PIK3C2G: variants seen among roughly 807,000 people sequenced by gnomAD.
The protein encoded by PIK3C2G is phosphatidylinositol 3-kinase C2 domain-containing subunit gamma.
A neutral mutation model predicts 181.1 loss-of-function variants in PIK3C2G; 168 were observed. The ratio of observed to expected loss-of-function variants is 0.93; its 90% CI spans 0.82 to 1.05. PIK3C2G has a LOEUF of 1.05. Among genes scored for constraint, PIK3C2G ranks in the 50% least tolerant of loss-of-function variants. The probability of loss-of-function intolerance (pLI) is 0.00; values close to 1 mark genes in which losing one functional copy is unlikely to be tolerated. For synonymous variants in PIK3C2G, 573 were observed against 592.2 expected (o/e 0.97, Z 0.47); for missense variants, 1,869 against 1,732.8 (o/e 1.08, Z -1.40).
intron 18 of PIK3C2G, among the ~76,000 whole-genome samples, chr12:18,471,773 AT>A (rs1364357014): frequency 1.3e-5 from 2 of 152,142 alleles, no homozygotes; most frequent in Non-Finnish European, 2.9e-5. Flanking sequence ...GTATTTAAGT[AT>A]GTTTTATTTC....
chr12:18,380,045 A>C (rs990351234), intron 13 of PIK3C2G, among the ~76,000 whole-genome samples: 3 of 152,302 alleles, frequency 2.0e-5, no homozygotes, highest in Middle Eastern at 3.4e-3. Flanking sequence ...AGAACCTCTC[A>C]AGAGGTGATT....
At chr12:18,421,376 C>A (rs185838356) in intron 17 of PIK3C2G, among the ~76,000 whole-genome samples, 12 of 151,860 alleles carry the variant, frequency 7.9e-5, no homozygotes, top group African/African-American at 2.7e-4. Flanking sequence ...ATTTGCTAGG[C>A]AGGTTTTCAT....
upstream of PIK3C2G, among the ~76,000 whole-genome samples, chr12:18,243,754 T>A (rs552957972): frequency 6.6e-6 from 1 of 152,104 alleles, no homozygotes; most frequent in East Asian, 1.9e-4. Flanking sequence ...AATTTCAAAT[T>A]CAGAAACTCT....
At chr12:18,534,284 T>C (rs1053412346) in intron 24 of PIK3C2G, among the ~76,000 whole-genome samples, 1 of 152,074 alleles carries the variant, frequency 6.6e-6, no homozygotes, top group Admixed American at 6.6e-5. Context: ...AATTTATTTG[T>C]CTGCTTAATA....
At chr12:18,575,720 A>C (rs1188291275) in intron 29 of PIK3C2G, among the ~76,000 whole-genome samples, 2 of 152,212 alleles carry the variant, frequency 1.3e-5, no homozygotes, top group African/African-American at 4.8e-5. Context: ...GGAAATCGGG[A>C]AAAGTCGTGC....
chr12:18,326,097 C>T (rs1228059050), intron 8 of PIK3C2G, among the ~76,000 whole-genome samples: 1 of 152,032 alleles, frequency 6.6e-6, no homozygotes, highest in African/African-American at 2.4e-5. Context: ...AAATTATGTG[C>T]CTAGAATAAC....
chr12:18,590,785 G>C (rs1178425208), intron 29 of PIK3C2G, among the ~76,000 whole-genome samples: 1 of 151,798 alleles, frequency 6.6e-6, no homozygotes, highest in Admixed American at 6.6e-5. Flanking sequence ...TCCCTCTCTT[G>C]ACTCTGGATC....
chr12:18,601,309 T>C (rs1439688368), intron 30 of PIK3C2G, among the ~76,000 whole-genome samples: 2 of 151,670 alleles, frequency 1.3e-5, no homozygotes, highest in Non-Finnish European at 2.9e-5. Flanking sequence ...AATCCTGTCA[T>C]TTGTGGTAAC....
At chr12:18,389,116 G>A (rs1222187717) in intron 14 of PIK3C2G, among the ~76,000 whole-genome samples, 4 of 152,132 alleles carry the variant, frequency 2.6e-5, no homozygotes, top group African/African-American at 9.7e-5. Context: ...ACTTTGGGAG[G>A]CCGAGGCGGG....
chr12:18,307,353 T>C (rs973977236), intron 5 of PIK3C2G, among the ~76,000 whole-genome samples: 1 of 151,724 alleles, frequency 6.6e-6, no homozygotes, highest in African/African-American at 2.4e-5. Flanking sequence ...TACAGAAAGT[T>C]TGATTTCCTA....
chr12:18,621,295 T>TA (rs1215418654), intron 31 of PIK3C2G, among the ~76,000 whole-genome samples: 2 of 151,928 alleles, frequency 1.3e-5, no homozygotes, highest in Non-Finnish European at 2.9e-5. Flanking sequence ...TAGTACATTC[T>TA]AAAAAATAAG....
rs201156171 is a variant in PIK3C2G, at chr12:18,282,645, G to A, written c.564G>A (p.Pro188=). 86 of 1,612,978 alleles carry A rather than the reference G, an allele frequency of 5.3e-5. No homozygotes were observed. The highest frequency in any genetic ancestry group is 5.9e-5 in the Non-Finnish European group (70 of 1,179,186). The change falls in exon 2 of 33, where the codon CCG becomes CCA. Residue 188 remains proline (P), a synonymous_variant. Transcript: ENST00000538779. ...CATCCTTCTCAAGTGACTTCATGCC[G>A]AAAGAAGAGAATAAAAGGAGTGGAC... is the stretch of plus-strand genomic sequence containing the variant. ...TNSSFSSDFM[P]KEENKRSGHV...
intron 16 of PIK3C2G, among the ~76,000 whole-genome samples, chr12:18,408,786 CAT>C (rs1252632757): frequency 2.0e-5 from 3 of 152,148 alleles, no homozygotes; most frequent in East Asian, 1.9e-4. Flanking sequence ...AGCCAACAAA[CAT>C]ATGAAAAAAA....
intron 15 of PIK3C2G, among the ~76,000 whole-genome samples, chr12:18,399,293 C>G (rs554138119): frequency 6.6e-6 from 1 of 150,404 alleles, no homozygotes. Context: ...GGTTGATTAC[C>G]TCTGTTCTAA....
At chr12:18,483,569 T>A (rs998642326) in intron 18 of PIK3C2G, among the ~76,000 whole-genome samples, 3 of 152,062 alleles carry the variant, frequency 2.0e-5, no homozygotes, top group African/African-American at 7.2e-5. Flanking sequence ...GTTTTTTTTA[T>A]CTGAAATATT....
intron 8 of PIK3C2G, among the ~76,000 whole-genome samples, chr12:18,335,847 A>C (rs1938479961): frequency 6.6e-6 from 1 of 152,194 alleles, no homozygotes; most frequent in African/African-American, 2.4e-5. Flanking sequence ...TGAGATAAGT[A>C]GATCACATAA....
the PIK3C2G span, among the ~76,000 whole-genome samples, chr12:18,660,264 A>T: frequency 6.6e-6 from 1 of 152,086 alleles, no homozygotes; most frequent in Admixed American, 6.6e-5. Flanking sequence ...GCTTGCCGAA[A>T]CCAGCAGGAG....
At chr12:18,626,859 G>T (rs972139722) in intron 31 of PIK3C2G, among the ~76,000 whole-genome samples, 1 of 151,748 alleles carries the variant, frequency 6.6e-6, no homozygotes, top group African/African-American at 2.4e-5. Context: ...TATATGTTGT[G>T]TTGAATTCTG....
intron 31 of PIK3C2G, among the ~76,000 whole-genome samples, chr12:18,629,588 G>C (rs1949258725): frequency 6.6e-6 from 1 of 152,184 alleles, no homozygotes; most frequent in Non-Finnish European, 1.5e-5. Context: ...CTCCAGTTGG[G>C]AGTAGAGGGG....
Sources: allele counts gnomAD v4.1 joint callset (sites outside exome capture counted in the v4.1 genomes callset), GRCh38; gene constraint gnomAD v4.1.1; transcripts MANE v1.5; gene names NCBI Gene and HGNC (gene_info 2026-07-23, HGNC 2026-07-21).